SCAF4: variants seen among roughly 807,000 people sequenced by gnomAD.
SCAF4 encodes SR-related CTD associated factor 4, also known as SR-related and CTD-associated factor 4.
Under a neutral mutation model 129.8 loss-of-function variants are expected in SCAF4, and 25 were observed. The observed-to-expected ratio is 0.19, with a 90% CI of 0.14 to 0.27. The LOEUF (loss-of-function observed/expected upper bound fraction) is 0.27. SCAF4 is among the 10% of genes least tolerant of loss of function. The pLI, the probability that SCAF4 is intolerant of heterozygous loss-of-function variation, is 1.00. For synonymous variants in SCAF4, 551 were observed against 497.7 expected (o/e 1.11, Z -1.43); for missense variants, 1,246 against 1,457.1 (o/e 0.86, Z 2.36).
intron 1 of SCAF4, chr21:31,712,783 G>A: frequency 2.1e-6 from 1 of 478,018 alleles, no homozygotes; most frequent in Non-Finnish European, 2.7e-6. Context: ...ACCCACCTCG[G>A]CCTCCCAAAG....
At chr21:31,710,302 A>G (rs1384124708) in intron 1 of SCAF4, among the ~76,000 whole-genome samples, 1 of 152,126 alleles carries the variant, frequency 6.6e-6, no homozygotes, top group Non-Finnish European at 1.5e-5. Context: ...TAATCCCAGC[A>G]CTTTGGGAGG....
At chr21:31,703,291 G>A (rs1271395581) in intron 4 of SCAF4, among the ~76,000 whole-genome samples, 2 of 151,938 alleles carry the variant, frequency 1.3e-5, no homozygotes, top group African/African-American at 2.4e-5. Flanking sequence ...AAGATGATGC[G>A]CCTTTCATAT....
intron 7 of SCAF4, among the ~76,000 whole-genome samples, chr21:31,698,547 ACAGT>A (rs1275604497): frequency 2.0e-5 from 3 of 152,210 alleles, no homozygotes; most frequent in South Asian, 4.1e-4. Context: ...ACCCAGCTGT[ACAGT>A]CAAACACTAA....
intron 7 of SCAF4, among the ~76,000 whole-genome samples, chr21:31,697,178 T>G (rs146574211): frequency 6.6e-6 from 1 of 152,092 alleles, no homozygotes; most frequent in East Asian, 1.9e-4. Context: ...TATAGAAAAG[T>G]GTCCATATAC....
chr21:31,716,525 A>G (rs186679527), intron 1 of SCAF4, among the ~76,000 whole-genome samples: 7 of 152,306 alleles, frequency 4.6e-5, no homozygotes, highest in Admixed American at 4.6e-4. Context: ...AAATAGTTAA[A>G]TCCAACACAA....
intron 15 of SCAF4, 25 bp from the exon 16 acceptor site, chr21:31,688,489 AAG>A: frequency 6.3e-7 from 1 of 1,588,380 alleles, no homozygotes; most frequent in South Asian, 1.1e-5. Context: ...GAAATTTAAC[AAG>A]AGTTTACCAT....
At chr21:31,684,240 T>C (rs1248965795) in intron 19 of SCAF4, 1 of 153,324 alleles carries the variant, frequency 6.5e-6, no homozygotes, top group Non-Finnish European at 1.5e-5. Flanking sequence ...ACTGTAATAC[T>C]CTCAAGATAT....
At chr21:31,730,415 C>T (rs9636855) in intron 1 of SCAF4, among the ~76,000 whole-genome samples, 34,726 of 152,102 alleles carry the variant, frequency 0.23, 5,522 homozygotes, top group East Asian at 0.52. Context: ...AAGAAAATCA[C>T]TTTTAGGATA....
intron 1 of SCAF4, among the ~76,000 whole-genome samples, chr21:31,723,147 G>GA (rs891763636): frequency 2.0e-5 from 3 of 152,182 alleles, no homozygotes; most frequent in Non-Finnish European, 4.4e-5. Flanking sequence ...AACTGTAGGT[G>GA]AAAACAGATG....
chr21:31,714,126 T>C (rs204733), intron 1 of SCAF4, among the ~76,000 whole-genome samples: 150,982 of 152,120 alleles, frequency 0.99, 74,939 homozygotes, highest in Middle Eastern at 1. Context: ...AAGGATATAC[T>C]GATATCTGCT....
chr21:31,691,013 G>T, intron 14 of SCAF4, 60 bp from the exon 15 acceptor site: 3 of 1,421,722 alleles, frequency 2.1e-6, no homozygotes, highest in Non-Finnish European at 1.9e-6. Flanking sequence ...AGTCTTGAGG[G>T]TATTATTCTC....
At chr21:31,708,337 G>T (rs1250668506) in intron 1 of SCAF4, among the ~76,000 whole-genome samples, 8 of 150,244 alleles carry the variant, frequency 5.3e-5, no homozygotes, top group Admixed American at 5.3e-4. Flanking sequence ...CCAAGATCGC[G>T]CCACTGCACG....
intron 16 of SCAF4, among the ~76,000 whole-genome samples, chr21:31,686,787 G>C (rs2050136951): frequency 6.6e-6 from 1 of 152,106 alleles, no homozygotes; most frequent in Admixed American, 6.5e-5. Flanking sequence ...CACATGTCAG[G>C]GATCTAGCTT....
intron 19 of SCAF4, among the ~76,000 whole-genome samples, chr21:31,677,090 T>C (rs2049876599): frequency 6.6e-6 from 1 of 152,162 alleles, no homozygotes; most frequent in Admixed American, 6.5e-5. Context: ...AGTTGGCTTA[T>C]CATTTTTTTA....
At position 31,703,290 on chromosome 21, in the gene SCAF4, C is replaced by T. The variant is rs117007904; in HGVS notation, c.321+475G>A. 6.8e-3 allele frequency among the ~76,000 whole-genome samples: 1,031 copies of T among 152,148 alleles called. 4 individuals carry two copies. Among genetic ancestry groups the T allele is most frequent in the Middle Eastern group, 0.031 (9 of 294 alleles). On this transcript the variant is annotated intron_variant, in intron 4 of 19. Coordinates refer to ENST00000286835, the MANE Select transcript of SCAF4 (RefSeq NM_020706.2). ...AACGATATCTTCTTTAAAGATGATG[C>T]GCCTTTCATATTATTTTTTAAAAAT...
intron 6 of SCAF4, 71 bp downstream of exon 6, chr21:31,701,705 A>G: frequency 6.8e-7 from 1 of 1,469,312 alleles, no homozygotes; most frequent in South Asian, 1.4e-5. Flanking sequence ...TTATTAATGA[A>G]GAATAGAAAA....
intron 14 of SCAF4, 125 bp downstream of exon 14, chr21:31,691,690 AAG>A: frequency 2.5e-6 from 1 of 393,286 alleles, no homozygotes; most frequent in Non-Finnish European, 4.5e-6. Flanking sequence ...AAAAAAAAAA[AAG>A]ATGCACATGA....
chr21:31,717,953 A>T (rs551310895), intron 1 of SCAF4, among the ~76,000 whole-genome samples: 61 of 145,942 alleles, frequency 4.2e-4, no homozygotes, highest in African/African-American at 5.9e-4. Context: ...ACACATATAT[A>T]TTTTTTTGAG....
In SCAF4 at chr21:31,685,088, G is replaced by A; in HGVS notation, c.2449C>T (p.Leu817=). 6.2e-7 allele frequency: 1 copy of A among 1,613,044 alleles called. No homozygotes were observed. Among genetic ancestry groups the A allele is most frequent in the Non-Finnish European group, 8.5e-7 (1 of 1,179,808 alleles). The change falls in exon 19 of 20, where the codon CTG becomes TTG. Residue 817 remains leucine (L), a synonymous_variant. Transcript: ENST00000286835. ...GGCTGGGTTACAGGAGGGGTGGGCA[G>A]ATTCGTGGGTGCAGCAGGTGGCACG... ...SAVPPAAPTN[L]PTPPVTQPVS...
Sources: gnomAD v4.1 joint callset for allele counts (sites outside exome capture counted in the v4.1 genomes callset) on GRCh38, gnomAD v4.1.1 for gene constraint, MANE v1.5 for transcripts, NCBI Gene and HGNC (gene_info 2026-07-23, HGNC 2026-07-21) for gene names.